The following ODF2 variants were observed in gnomAD, a reference collection of about 807,000 sequenced individuals.
ODF2 encodes outer dense fiber protein 2.
Under a neutral mutation model 110.2 loss-of-function variants are expected in ODF2, and 47 were observed. That is an observed-to-expected ratio of 0.43 (90% CI 0.34 to 0.54). The LOEUF (loss-of-function observed/expected upper bound fraction) is 0.54. Ranked by LOEUF, ODF2 falls within the 20% of genes least tolerant of loss-of-function variation. The pLI is 0.03. For synonymous variants in ODF2, 352 were observed against 397.7 expected (o/e 0.89, Z 1.37); for missense variants, 812 against 1,054.5 (o/e 0.77, Z 3.19).
At chr9:128,456,843 C>G (rs940807975) in intron 1 of ODF2, 4 of 1,313,530 alleles carry the variant, frequency 3.0e-6, no homozygotes, top group East Asian at 3.3e-5. Context: ...GCGGGGCGCC[C>G]GGGGCCCGTG....
At chr9:128,478,454 C>A (rs1458979757) in intron 8 of ODF2, among the ~76,000 whole-genome samples, 2 of 151,902 alleles carry the variant, frequency 1.3e-5, no homozygotes, top group African/African-American at 4.8e-5. Context: ...AAAAAATGAG[C>A]TGGCATGGCG....
intron 14 of ODF2, among the ~76,000 whole-genome samples, chr9:128,489,666 G>A (rs977658744): frequency 6.6e-6 from 1 of 152,188 alleles, no homozygotes; most frequent in African/African-American, 2.4e-5. Context: ...TTTCCATAGT[G>A]TTGCTGTGAA....
intron 2 of ODF2, among the ~76,000 whole-genome samples, chr9:128,459,338 C>T (rs117971091): frequency 6.6e-6 from 1 of 152,190 alleles, no homozygotes; most frequent in East Asian, 1.9e-4. Flanking sequence ...TGTGATGTGA[C>T]GATATGTTAA....
At chr9:128,460,480 C>T (rs774160499) in intron 3 of ODF2, 70 bp from the exon 3 acceptor site, 2 of 1,582,554 alleles carry the variant, frequency 1.3e-6, no homozygotes, top group Non-Finnish European at 1.7e-6. Flanking sequence ...AGGCTGTGAG[C>T]TCTGTTTTTA....
intron 4 of ODF2, among the ~76,000 whole-genome samples, chr9:128,465,493 A>G (rs1837608446): frequency 6.6e-6 from 1 of 152,210 alleles, no homozygotes; most frequent in East Asian, 1.9e-4. Flanking sequence ...CTGTAATCTC[A>G]GCACTTTGGG....
At chr9:128,498,417 C>G in exon 19 of ODF2, 2 of 1,588,226 alleles carry the variant, frequency 1.3e-6, no homozygotes, top group South Asian at 2.3e-5. Flanking sequence ...ACCTAGGAAA[C>G]TGGAGGCGAC....
chr9:128,458,145 C>T (rs1426293868), intron 2 of ODF2, among the ~76,000 whole-genome samples: 1 of 151,810 alleles, frequency 6.6e-6, no homozygotes, highest in African/African-American at 2.4e-5. Flanking sequence ...GCTCCAGCCT[C>T]TCTGATCTCC....
At chr9:128,500,420 G>C (rs1846337471) in exon 21 of ODF2, 2 of 622,376 alleles carry the variant, frequency 3.2e-6, no homozygotes, top group Non-Finnish European at 2.8e-6. Flanking sequence ...AGCAGAAGGT[G>C]AAGCAGGAAG....
chr9:128,484,400 C>G (rs1842986914), intron 11 of ODF2, among the ~76,000 whole-genome samples: 1 of 152,076 alleles, frequency 6.6e-6, no homozygotes, highest in African/African-American at 2.4e-5. Flanking sequence ...TGCTGAGTGA[C>G]CAAGGAACTA....
intron 19 of ODF2, 140 bp from the exon 20 acceptor site, chr9:128,498,861 C>T: frequency 1.7e-6 from 2 of 1,181,702 alleles, no homozygotes; most frequent in Non-Finnish European, 1.2e-6. Context: ...TTAGTTCCTG[C>T]CCCAGCGTTC....
chr9:128,498,649 A>G (rs1846054030), intron 19 of ODF2, 74 bp downstream of exon 19: 6 of 857,414 alleles, frequency 7.0e-6, no homozygotes, highest in Non-Finnish European at 1.1e-5. Flanking sequence ...TTATTTCTCC[A>G]TCTGAAAAAT....
chr9:128,461,707 C>T (rs1195892342), intron 4 of ODF2, among the ~76,000 whole-genome samples: 1 of 152,194 alleles, frequency 6.6e-6, no homozygotes, highest in Non-Finnish European at 1.5e-5. Flanking sequence ...GCGTGAGCCA[C>T]CACAGCCAGC....
At chr9:128,478,100 G>A (rs895574126) in intron 8 of ODF2, among the ~76,000 whole-genome samples, 2 of 152,190 alleles carry the variant, frequency 1.3e-5, no homozygotes, top group South Asian at 2.1e-4. Flanking sequence ...GGGTTCAAGC[G>A]ATTCTCCTGC....
intron 18 of ODF2, chr9:128,497,440 AAAAAAAATATATATAT>A (rs1845759820): frequency 1.1e-5 from 1 of 91,032 alleles, no homozygotes; most frequent in African/African-American, 6.5e-5. Flanking sequence ...AAAAAAAAAA[AAAAAAAATATATATAT>A]ATATATATAT....
At chr9:128,458,969 C>T (rs764179727) in intron 2 of ODF2, among the ~76,000 whole-genome samples, 7 of 152,074 alleles carry the variant, frequency 4.6e-5, no homozygotes, top group African/African-American at 9.7e-5. Flanking sequence ...CTCAGCCTCC[C>T]GAGTAGCTGG....
intron 2 of ODF2, chr9:128,457,463 C>T (rs770215922): frequency 8.8e-6 from 14 of 1,590,952 alleles, no homozygotes; most frequent in Admixed American, 7.0e-5. Flanking sequence ...GAGGCGCCTG[C>T]GCCGGAGGGC....
At chr9:128,470,507 C>T (rs932029952) in intron 5 of ODF2, among the ~76,000 whole-genome samples, 1 of 152,014 alleles carries the variant, frequency 6.6e-6, no homozygotes, top group Middle Eastern at 3.4e-3. Flanking sequence ...CCTGTAATCC[C>T]GGCTACTTGG....
At position 128,481,568 on chromosome 9, in the gene ODF2, C is replaced by G. The variant is rs1309280879; in HGVS notation, c.844-12C>G. ...TTAATGACTTGACTTTTTCCTTTGC[C>G]TTTCTTTGAAGGATTCTGAAAGACT... On this transcript the variant is annotated splice_polypyrimidine_tract_variant and intron_variant, in intron 8 of 20. Coordinates refer to ENST00000604420, the Ensembl canonical transcript of ODF2. 1.7e-5 allele frequency: 28 copies of G among 1,609,096 alleles called. No individual in the cohort carries two copies. Among genetic ancestry groups the G allele is most frequent in the Non-Finnish European group, 2.3e-5 (27 of 1,177,156 alleles).
rs367751278 is a variant in ODF2 at position 128,471,551 on chromosome 9, C to G, written c.581+83C>G. ...AGCCCTGGGCAATAATGGAAAGCAA[C>G]GTAGGAGGTGGGCACAGGCACTGTG... On this transcript the variant is annotated intron_variant, in intron 6 of 20. Coordinates refer to ENST00000604420, the Ensembl canonical transcript of ODF2. 1.2e-4 allele frequency: 173 copies of G among 1,411,100 alleles called. No homozygotes were observed. The highest frequency in any genetic ancestry group is 5.9e-4 in the South Asian group (46 of 77,748). The allele number at this position is 1,411,100 out of a possible 1,614,324, so 87.4% of individuals were successfully genotyped here.
Sources: gnomAD v4.1 joint callset for allele counts (sites outside exome capture counted in the v4.1 genomes callset) on GRCh38, gnomAD v4.1.1 for gene constraint, MANE v1.5 for transcripts, NCBI Gene and HGNC (gene_info 2026-07-23, HGNC 2026-07-21) for gene names.